Variants in PPP2R2B observed in about 807,000 individuals in gnomAD.
PPP2R2B encodes the protein protein phosphatase 2 regulatory subunit Bbeta.
A neutral mutation model predicts 46.0 loss-of-function variants in PPP2R2B; 5 were observed. The observed-to-expected ratio is 0.11, with a 90% confidence interval of 0.06 to 0.23. The LOEUF (loss-of-function observed/expected upper bound fraction) is 0.23. PPP2R2B is among the 10% of genes least tolerant of loss of function. The pLI, the probability that PPP2R2B is intolerant of heterozygous loss-of-function variation, is 1.00. For synonymous variants in PPP2R2B, 215 were observed against 206.7 expected, an observed-to-expected ratio of 1.04 and a Z score of -0.34; for missense variants, 367 against 575.0, an observed-to-expected ratio of 0.64 and a Z score of 3.70.
intron 2 of PPP2R2B, among the ~76,000 whole-genome samples, chr5:146,740,422 T>C (rs57014772): frequency 0.023 from 3,566 of 152,162 alleles, 134 homozygotes; most frequent in African/African-American, 0.078. Flanking sequence ...GAAACCACCA[T>C]GGGAAGAGGC....
Position 146,584,477 on chromosome 5 carries a change from C to T in PPP2R2B, c.*5470G>A, listed in dbSNP as rs1444274950. 6.6e-6 allele frequency: 1 copy of T among 152,202 alleles called. No homozygotes were observed. The highest frequency in any genetic ancestry group is 1.9e-4 in the East Asian group (1 of 5,192). 9.4% of individuals were successfully genotyped at this position (152,202 alleles called of 1,614,324 possible). A position where few individuals can be genotyped will look rare whatever the true frequency, so the allele number is the denominator to read the frequency against. On this transcript the variant is annotated 3_prime_UTR_variant, in exon 10 of 10. Coordinates refer to ENST00000394411, the MANE Select transcript of PPP2R2B (RefSeq NM_181675.4). ...AAATAATCAAGCCAAGGTAACTCTGCATTACCAATAACTGTGATGGAAGAA... is the reference window on the plus strand; with the variant it reads ...AAATAATCAAGCCAAGGTAACTCTGTATTACCAATAACTGTGATGGAAGAA...
intron 1 of PPP2R2B, among the ~76,000 whole-genome samples, chr5:146,973,698 G>A (rs1216598872): frequency 1.3e-5 from 2 of 152,130 alleles, no homozygotes; most frequent in Non-Finnish European, 2.9e-5. Flanking sequence ...TCTTTAAGGT[G>A]GTACATGGGC....
At chr5:146,738,610 C>T (rs1752682318) in intron 2 of PPP2R2B, among the ~76,000 whole-genome samples, 1 of 152,020 alleles carries the variant, frequency 6.6e-6, no homozygotes, top group African/African-American at 2.4e-5. Context: ...AAGCAAATGA[C>T]GGTTGAACAA....
chr5:146,629,110 G>A (rs767200784), intron 7 of PPP2R2B, among the ~76,000 whole-genome samples: 31 of 152,046 alleles, frequency 2.0e-4, no homozygotes, highest in Admixed American at 3.3e-4. Flanking sequence ...TGACATGCTC[G>A]TGATTCCTAA....
At chr5:146,953,717 C>G (rs1751736401) in intron 1 of PPP2R2B, among the ~76,000 whole-genome samples, 1 of 152,150 alleles carries the variant, frequency 6.6e-6, no homozygotes, top group South Asian at 2.1e-4. Flanking sequence ...TAAACACAAT[C>G]TCCATTAATT....
At chr5:146,749,079 T>A (rs1001064916) in intron 2 of PPP2R2B, among the ~76,000 whole-genome samples, 2 of 152,232 alleles carry the variant, frequency 1.3e-5, no homozygotes, top group South Asian at 4.1e-4. Context: ...AGCACTTGTA[T>A]TGCTACCATT....
At chr5:147,057,124 AAAC>A (rs1757111091), upstream of PPP2R2B, among the ~76,000 whole-genome samples, 1 of 152,322 alleles carries the variant, frequency 6.6e-6, no homozygotes, top group East Asian at 1.9e-4. Context: ...AGGAGGGAAA[AAAC>A]AAAGTCATTA....
chr5:146,809,951 G>C (rs1757423326), intron 2 of PPP2R2B, among the ~76,000 whole-genome samples: 1 of 152,094 alleles, frequency 6.6e-6, no homozygotes, highest in Non-Finnish European at 1.5e-5. Context: ...GATATCTTGG[G>C]GGAGTACAAA....
At chr5:146,786,603 A>G (rs1191552386) in intron 2 of PPP2R2B, among the ~76,000 whole-genome samples, 1 of 152,148 alleles carries the variant, frequency 6.6e-6, no homozygotes, top group East Asian at 1.9e-4. Flanking sequence ...CGAGCTCTTA[A>G]TTTATAACTC....
At chr5:147,054,995 T>C (rs987486686) in intron 1 of PPP2R2B, among the ~76,000 whole-genome samples, 2 of 152,182 alleles carry the variant, frequency 1.3e-5, no homozygotes, top group Non-Finnish European at 2.9e-5. Flanking sequence ...CATACACGTA[T>C]GCATAGCATG....
intron 2 of PPP2R2B, among the ~76,000 whole-genome samples, chr5:146,849,211 T>C (rs1760193312): frequency 6.6e-6 from 1 of 152,218 alleles, no homozygotes; most frequent in South Asian, 2.1e-4. Flanking sequence ...CCATTTCTTT[T>C]AGGCCCTCTC....
intron 7 of PPP2R2B, among the ~76,000 whole-genome samples, chr5:146,634,634 C>T (rs543722255): frequency 1.3e-5 from 2 of 152,262 alleles, no homozygotes; most frequent in East Asian, 3.9e-4. Context: ...TGAGGCCGGT[C>T]TCTGATGGCT....
chr5:146,848,720 C>T (rs1349480739), intron 2 of PPP2R2B, among the ~76,000 whole-genome samples: 2 of 152,144 alleles, frequency 1.3e-5, no homozygotes, highest in Non-Finnish European at 2.9e-5. Context: ...AAACTGTACT[C>T]TGCACCCTTA....
chr5:146,733,063 A>G (rs576786262), intron 2 of PPP2R2B, among the ~76,000 whole-genome samples: 1 of 152,212 alleles, frequency 6.6e-6, no homozygotes, highest in African/African-American at 2.4e-5. Flanking sequence ...TACAGGATAT[A>G]GGGGAGAATA....
intron 2 of PPP2R2B, among the ~76,000 whole-genome samples, chr5:147,067,012 A>T (rs902569114): frequency 4.6e-5 from 7 of 152,160 alleles, no homozygotes; most frequent in African/African-American, 1.7e-4. Flanking sequence ...GATAAAATAG[A>T]GGTAGAAAAT....
chr5:147,080,967 A>T, intron 2 of PPP2R2B: 2 of 1,231,002 alleles, frequency 1.6e-6, no homozygotes, highest in Non-Finnish European at 2.3e-6. Context: ...GTGGGGACTT[A>T]GATTCATGAA....
chr5:146,860,161 C>G (rs1032711795), intron 2 of PPP2R2B, among the ~76,000 whole-genome samples: 9 of 152,132 alleles, frequency 5.9e-5, no homozygotes, highest in African/African-American at 2.2e-4. Flanking sequence ...CCTTTTATAG[C>G]TCTCATCTTA....
chr5:146,983,198 T>TTTTTTTTG (rs1753257182), intron 1 of PPP2R2B, among the ~76,000 whole-genome samples: 1 of 145,654 alleles, frequency 6.9e-6, no homozygotes, highest in East Asian at 2.0e-4. Flanking sequence ...TTTTTTTTTT[T>TTTTTTTTG]GAGACGGAGT....
At chr5:146,844,671 C>T (rs1759877599) in intron 2 of PPP2R2B, among the ~76,000 whole-genome samples, 1 of 152,376 alleles carries the variant, frequency 6.6e-6, no homozygotes, top group South Asian at 2.1e-4. Context: ...TGAAAGTATG[C>T]ACTTCCTTTA....
Sources: allele counts gnomAD v4.1 joint callset (sites outside exome capture counted in the v4.1 genomes callset), GRCh38; gene constraint gnomAD v4.1.1; transcripts MANE v1.5; gene names NCBI Gene and HGNC (gene_info 2026-07-23, HGNC 2026-07-21).